SCN3A: variants seen among roughly 807,000 people sequenced by gnomAD.
The protein encoded by SCN3A is sodium channel protein type 3 subunit alpha.
Under a neutral mutation model 187.6 loss-of-function variants are expected in SCN3A, and 60 were observed. The ratio of observed to expected loss-of-function variants is 0.32; its 90% CI spans 0.26 to 0.40. SCN3A has a LOEUF of 0.40. Among genes scored for constraint, SCN3A ranks in the 10% least tolerant of loss-of-function variants. The pLI is 1.00. For synonymous variants in SCN3A, 788 were observed against 829.2 expected (o/e 0.95, Z 0.85); for missense variants, 1,601 against 2,428.2 (o/e 0.66, Z 7.16).
In SCN3A at chr2:165,092,124, A is replaced by T; in HGVS notation, c.4807+130T>A. The stretch of plus-strand genomic sequence containing the variant: ...CAGGTTTCAGAGTTTTTATTCAAAT[A>T]TGCTAGTGTTGAACTTTACATCTAT... On this transcript the variant is annotated intron_variant, in intron 27 of 27. Transcript: ENST00000283254. The surrounding 1 kb of genome is among the most constrained non-coding windows in gnomAD (Gnocchi z 4.2). 1 of 907,300 alleles carries T rather than the reference A, an allele frequency of 1.1e-6. No individual in the cohort carries two copies. The highest frequency in any genetic ancestry group is 1.8e-6 in the Non-Finnish European group (1 of 557,410). 56.2% of individuals were successfully genotyped at this position (907,300 alleles called of 1,614,324 possible). A position where few individuals can be genotyped will look rare whatever the true frequency, so the allele number is the denominator to read the frequency against.
intron 18 of SCN3A, among the ~76,000 whole-genome samples, chr2:165,118,019 C>A (rs966553269): frequency 2.6e-5 from 4 of 152,122 alleles, no homozygotes; most frequent in Non-Finnish European, 5.9e-5. Flanking sequence ...TCCTAATAAC[C>A]ACTAACCTGA....
chr2:165,168,375 C>A (rs1012333224), intron 5 of SCN3A, among the ~76,000 whole-genome samples: 9 of 151,908 alleles, frequency 5.9e-5, no homozygotes, highest in Admixed American at 3.9e-4. Flanking sequence ...TAACAATAAT[C>A]ACTATATACT....
intron 19 of SCN3A, among the ~76,000 whole-genome samples, chr2:165,114,306 T>G (rs1686256458): frequency 6.6e-6 from 1 of 152,232 alleles, no homozygotes; most frequent in African/African-American, 2.4e-5. Flanking sequence ...AAAAACTACA[T>G]GTTCGATTTG....
intron 18 of SCN3A, among the ~76,000 whole-genome samples, chr2:165,126,643 C>G (rs1217375162): frequency 7.8e-6 from 1 of 127,522 alleles, no homozygotes; most frequent in Non-Finnish European, 1.6e-5. Context: ...TCCCTCTTCT[C>G]CTTTCCCTCC....
At chr2:165,130,553 A>G (rs1005649686) in intron 16 of SCN3A, 26 of 477,016 alleles carry the variant, frequency 5.5e-5, no homozygotes, top group Non-Finnish European at 8.2e-5. Context: ...GATTCATCCA[A>G]AGATATGCCC....
intron 21 of SCN3A, among the ~76,000 whole-genome samples, chr2:165,112,184 G>A (rs999556159): frequency 1.3e-5 from 2 of 152,138 alleles, no homozygotes; most frequent in Non-Finnish European, 2.9e-5. Flanking sequence ...CTGTCATGTT[G>A]TCCCAGTGCC....
At chr2:165,153,893 C>G (rs1688849139) in intron 11 of SCN3A, among the ~76,000 whole-genome samples, 1 of 151,646 alleles carries the variant, frequency 6.6e-6, no homozygotes, top group Admixed American at 6.6e-5. Context: ...TCACTATACC[C>G]CTAGCTCACA....
chr2:165,123,782 C>A lies in SCN3A; in HGVS notation c.3393+3849G>T, dbSNP rs188493967. 1.1e-3 allele frequency among the ~76,000 whole-genome samples: 174 copies of A among 152,232 alleles called. No homozygotes were observed. In the Middle Eastern group the frequency reaches 0.024, roughly 21 times the overall value. On this transcript the variant is annotated intron_variant, in intron 18 of 27. Transcript: ENST00000283254. ...CTAGCAGCTTTTGGAAATTTCAAATCAAAAATGCACTTTGCTAGAACTCAT... is the reference window on the plus strand; with the variant it reads ...CTAGCAGCTTTTGGAAATTTCAAATAAAAAATGCACTTTGCTAGAACTCAT...
intron 12 of SCN3A, among the ~76,000 whole-genome samples, chr2:165,141,671 A>C (rs1236140227): frequency 6.6e-6 from 1 of 152,202 alleles, no homozygotes; most frequent in Non-Finnish European, 1.5e-5. Context: ...AATGGCAACC[A>C]ATGATTCACC....
In SCN3A at chr2:165,090,192, T is replaced by G. The variant is rs1185455984; in HGVS notation, c.5961A>C (p.Glu1987Asp). 7 of 1,600,600 alleles carry G rather than the reference T, an allele frequency of 4.4e-6. No individual in the cohort carries two copies. The highest frequency in any genetic ancestry group is 5.1e-6 in the Non-Finnish European group (6 of 1,170,876). The change falls in exon 28 of 28, where the codon GAA becomes GAC. Residue 1987 changes from glutamate (E) to aspartate (D), a missense_variant. Physicochemically the swap from Glu to Asp is conservative, Grantham distance 45. Around this residue, in one of 11 missense-constraint regions of SCN3A, gnomAD observed 87 missense variants for 89.2 expected, o/e 0.98. Transcript: ENST00000283254. The surrounding 1 kb of genome is among the most constrained non-coding windows in gnomAD (Gnocchi z 4.0). ...TGACCTCTTTTCCTTTGCTTTCTTT[T>G]TCTGGTTTGTCTTTCTCAAACTTTT... ...DKEKFEKDKPEKESKGKEVRE... is the reference protein window; with the variant it reads ...DKEKFEKDKPDKESKGKEVRE...
Position 165,090,144 on chromosome 2 carries a change from T to A in SCN3A, c.*6A>T. Reference sequence around the variant, plus strand: ...ATTGATCACAAAGATAATTCTTTGTTTCTTTTTACTTTTGATTTTCTCTGA... The same window carrying A: ...ATTGATCACAAAGATAATTCTTTGTATCTTTTTACTTTTGATTTTCTCTGA... On this transcript the variant is annotated 3_prime_UTR_variant, in exon 28 of 28. Transcript: ENST00000283254. This position sits in a 1 kb window ranked among gnomAD's most constrained non-coding sequence, Gnocchi z 4.0. The A allele has an allele frequency of 6.4e-7, 1 of 1,567,962 alleles. No individual in the cohort carries two copies. Among genetic ancestry groups the A allele is most frequent in the Non-Finnish European group, 8.7e-7 (1 of 1,152,816 alleles).
At chr2:165,113,165 AT>A (rs1686203291) in intron 20 of SCN3A, 107 bp from the exon 21 acceptor site, 1 of 821,664 alleles carries the variant, frequency 1.2e-6, no homozygotes, top group Non-Finnish European at 2.0e-6. Flanking sequence ...TTGATTATTG[AT>A]ATTTTACATA....
chr2:165,100,596 T>C (rs1363841995), intron 21 of SCN3A, among the ~76,000 whole-genome samples, 172 bp from the exon 22 acceptor site: 4 of 152,164 alleles, frequency 2.6e-5, no homozygotes, highest in Non-Finnish European at 4.4e-5. Context: ...TCTCATACTA[T>C]TGCTTTTTTT....
chr2:165,138,518 A>ATG (rs1015451039), intron 14 of SCN3A, among the ~76,000 whole-genome samples: 7 of 152,140 alleles, frequency 4.6e-5, no homozygotes, highest in Non-Finnish European at 1.0e-4. Flanking sequence ...GTGATCCCTT[A>ATG]TGTGTGTGAT....
chr2:165,101,578 G>C, intron 21 of SCN3A, among the ~76,000 whole-genome samples: 2 of 152,088 alleles, frequency 1.3e-5, no homozygotes. Flanking sequence ...TGAATCATAG[G>C]GCACTGAAAA....
Position 165,130,274 on chromosome 2 carries a change from T to A in SCN3A, c.2588A>T (p.Lys863Ile), listed in dbSNP as rs766318135. The A allele has an allele frequency of 6.2e-7, 1 of 1,614,122 alleles. No individual in the cohort carries two copies. The highest frequency in any genetic ancestry group is 8.5e-7 in the Non-Finnish European group (1 of 1,180,020). The stretch of plus-strand genomic sequence containing the variant: ...TAGCATATTTAGTGTGGGCCAGGAT[T>A]TTGCCAACTTGAAAACTCTAAGCTG... ...FRLLRVFKLAKSWPTLNMLIK... is the reference protein window; with the variant it reads ...FRLLRVFKLAISWPTLNMLIK... The change falls in exon 17 of 28, where the codon AAA (lysine) becomes ATA (isoleucine). Residue 863 changes from lysine (K) to isoleucine (I), a missense_variant. Physicochemically the swap from Lys to Ile is moderately radical, Grantham distance 102. This residue lies in a region of SCN3A where 91 missense variants were observed against 207.0 expected (regional missense o/e 0.44). Transcript: ENST00000283254.
At chr2:165,124,839 T>C (rs183644562) in intron 18 of SCN3A, among the ~76,000 whole-genome samples, 1 of 152,198 alleles carries the variant, frequency 6.6e-6, no homozygotes, top group African/African-American at 2.4e-5. Context: ...TGCTACCGAA[T>C]GATTATCACC....
chr2:165,116,320 A>G (rs535782529), intron 18 of SCN3A, among the ~76,000 whole-genome samples: 1 of 152,206 alleles, frequency 6.6e-6, no homozygotes, highest in Admixed American at 6.5e-5. Context: ...TCAATGTGTG[A>G]TCCGGCTGTG....
chr2:165,163,597 G>T, intron 7 of SCN3A, 21 bp downstream of exon 7: 1 of 1,612,614 alleles, frequency 6.2e-7, no homozygotes, highest in Middle Eastern at 1.7e-4. Flanking sequence ...AGTCAACCTC[G>T]GTGTTTAACC....
Sources: gnomAD v4.1 joint callset for allele counts (sites outside exome capture counted in the v4.1 genomes callset) on GRCh38, gnomAD v4.1.1 for gene constraint, gnomAD v4.1.1 regional missense constraint, Gnocchi (gnomAD v3.1) non-coding constraint, MANE v1.5 for transcripts, NCBI Gene and HGNC (gene_info 2026-07-23, HGNC 2026-07-21) for gene names.